The following IL1RAPL1 variants were observed in gnomAD, a reference collection of about 807,000 sequenced individuals.
The protein encoded by IL1RAPL1 is interleukin-1 receptor accessory protein-like 1.
A neutral mutation model predicts 48.4 loss-of-function variants in IL1RAPL1; 3 were observed. The ratio of observed to expected loss-of-function variants is 0.06; its 90% CI spans 0.03 to 0.16. The LOEUF (loss-of-function observed/expected upper bound fraction) is 0.16. Ranked by LOEUF, IL1RAPL1 falls within the 10% of genes least tolerant of loss-of-function variation. The pLI is 1.00. For synonymous variants in IL1RAPL1, 185 were observed against 187.7 expected, an observed-to-expected ratio of 0.99 and a Z score of 0.12; for missense variants, 349 against 530.6, an observed-to-expected ratio of 0.66 and a Z score of 3.36.
At chrX:29,368,353 ATGCT>A (rs1933494691) in intron 3 of IL1RAPL1, among the ~76,000 whole-genome samples, 1 of 111,973 alleles carries the variant, frequency 8.9e-6, no homozygotes, top group Non-Finnish European at 1.9e-5. Context: ...CTTTGATTCA[ATGCT>A]TGTGTGTATG....
At chrX:29,055,466 C>G (rs1387907110) in intron 2 of IL1RAPL1, among the ~76,000 whole-genome samples, 1 of 111,566 alleles carries the variant, frequency 9.0e-6, no homozygotes, top group Non-Finnish European at 1.9e-5. Context: ...TTATCAATGT[C>G]AAATGCACTA....
At chrX:29,419,803 T>G (rs1387699646) in intron 5 of IL1RAPL1, among the ~76,000 whole-genome samples, 1 of 111,885 alleles carries the variant, frequency 8.9e-6, no homozygotes, top group Non-Finnish European at 1.9e-5. Flanking sequence ...GTTTAAGATT[T>G]TTTTTATATG....
intron 3 of IL1RAPL1, among the ~76,000 whole-genome samples, chrX:29,285,617 A>G (rs1171128589): frequency 9.3e-6 from 1 of 107,080 alleles, no homozygotes; most frequent in Non-Finnish European, 1.9e-5. Context: ...AAATGATGAC[A>G]CTTGCCATAT....
At chrX:29,704,069 C>T (rs1046411845) in intron 6 of IL1RAPL1, among the ~76,000 whole-genome samples, 15 of 110,354 alleles carry the variant, frequency 1.4e-4, no homozygotes, top group African/African-American at 4.0e-4. Context: ...ACTACAGGCA[C>T]GCACTATAAT....
At chrX:29,597,742 A>G (rs181494887) in intron 5 of IL1RAPL1, among the ~76,000 whole-genome samples, 23 of 111,631 alleles carry the variant, frequency 2.1e-4, no homozygotes, top group African/African-American at 6.5e-4. Context: ...GAGTTTCTTT[A>G]TCTTTCTGGT....
At chrX:29,558,815 A>G (rs906534958) in intron 5 of IL1RAPL1, among the ~76,000 whole-genome samples, 1 of 111,328 alleles carries the variant, frequency 9.0e-6, no homozygotes, top group Non-Finnish European at 1.9e-5. Context: ...GTTTCTTAGC[A>G]TGCTTGTTGA....
intron 6 of IL1RAPL1, among the ~76,000 whole-genome samples, chrX:29,803,117 A>G (rs1930065197): frequency 1.1e-5 from 1 of 91,464 alleles, no homozygotes. Context: ...ATATGTATAT[A>G]TGTGTATACA....
intron 5 of IL1RAPL1, among the ~76,000 whole-genome samples, chrX:29,421,883 G>A (rs1934295206): frequency 8.9e-6 from 1 of 111,962 alleles, no homozygotes; most frequent in South Asian, 3.7e-4. Context: ...ATTCTTACTT[G>A]TATGTTTGGG....
At chrX:29,615,619 C>T (rs1004455381) in intron 5 of IL1RAPL1, among the ~76,000 whole-genome samples, 1 of 110,366 alleles carries the variant, frequency 9.1e-6, no homozygotes, top group Non-Finnish European at 1.9e-5. Context: ...ATTTGTCTCA[C>T]GGAGGTAACT....
Position 29,673,751 on chromosome X carries a change from A to G in IL1RAPL1, c.778+5247A>G, listed in dbSNP as rs1436305415. Among the ~76,000 whole-genome samples the G allele has an allele frequency of 2.7e-5, 3 of 111,908 alleles. No homozygotes were observed. In the East Asian group the frequency reaches 8.4e-4, roughly 31 times the overall value. On this transcript the variant is annotated intron_variant, in intron 6 of 10. Coordinates refer to ENST00000378993, the MANE Select transcript of IL1RAPL1 (RefSeq NM_014271.4). ...AAAGACTGGTATTATAATTATTTAA[A>G]CTATGGCATTCAATTCTACTCAATC...
intron 1 of IL1RAPL1, among the ~76,000 whole-genome samples, chrX:28,612,990 A>C (rs1012152139): frequency 8.9e-6 from 1 of 111,738 alleles, no homozygotes; most frequent in Admixed American, 9.5e-5. Flanking sequence ...ATTTCTGCCT[A>C]TCAGTTTGGA....
chrX:29,419,005 C>G (rs1934258025), intron 5 of IL1RAPL1, among the ~76,000 whole-genome samples: 1 of 111,824 alleles, frequency 8.9e-6, no homozygotes, highest in South Asian at 3.7e-4. Flanking sequence ...TTTATAAAAT[C>G]TAATTGTATA....
At chrX:28,969,503 G>T (rs1341553209) in intron 2 of IL1RAPL1, among the ~76,000 whole-genome samples, 1 of 108,290 alleles carries the variant, frequency 9.2e-6, no homozygotes, top group African/African-American at 3.4e-5. Flanking sequence ...TTTTTGCTCA[G>T]TTTTTAGAAG....
At chrX:29,205,794 G>C (rs1930653372) in intron 2 of IL1RAPL1, among the ~76,000 whole-genome samples, 1 of 109,733 alleles carries the variant, frequency 9.1e-6, no homozygotes, top group African/African-American at 3.3e-5. Flanking sequence ...GAGTGCAGTG[G>C]TGTGACGTCG....
chrX:29,423,046 T>C lies in IL1RAPL1; in HGVS notation c.703+23738T>C, dbSNP rs151155581. On this transcript the variant is annotated intron_variant, in intron 5 of 10. Coordinates refer to ENST00000378993, the MANE Select transcript of IL1RAPL1 (RefSeq NM_014271.4). Reference sequence around the variant, plus strand: ...GACTCTTTAAGCCTGATAAGAAACATTTACAACTGATTCCCTCTAAAGCCT... The same window carrying C: ...GACTCTTTAAGCCTGATAAGAAACACTTACAACTGATTCCCTCTAAAGCCT... 2.9e-3 allele frequency among the ~76,000 whole-genome samples: 323 copies of C among 111,666 alleles called. 1 individual carries two copies. The highest frequency in any genetic ancestry group is 9.9e-3 in the African/African-American group (305 of 30,763).
chrX:28,737,166 C>CTTTCT (rs1569161818), intron 1 of IL1RAPL1, among the ~76,000 whole-genome samples: 3 of 34,811 alleles, frequency 8.6e-5, no homozygotes, highest in African/African-American at 3.1e-4. Flanking sequence ...TCCTTCCTTC[C>CTTTCT]TTCCTTCCTT....
chrX:29,576,208 A>C (rs764483715), intron 5 of IL1RAPL1, among the ~76,000 whole-genome samples: 12 of 111,715 alleles, frequency 1.1e-4, no homozygotes, highest in Non-Finnish European at 2.1e-4. Flanking sequence ...TTAAATCAGG[A>C]TCTTTGAGGT....
At chrX:28,693,275 A>G (rs1223085565) in intron 1 of IL1RAPL1, among the ~76,000 whole-genome samples, 1 of 112,067 alleles carries the variant, frequency 8.9e-6, no homozygotes, top group African/African-American at 3.2e-5. Context: ...TGAGATTGCA[A>G]CATATCCAGC....
intron 2 of IL1RAPL1, among the ~76,000 whole-genome samples, chrX:28,804,031 G>T (rs973123773): frequency 9.0e-6 from 1 of 111,470 alleles, no homozygotes; most frequent in Non-Finnish European, 1.9e-5. Flanking sequence ...CCTGAAAATT[G>T]TTTATATAAT....
Sources: allele counts gnomAD v4.1 joint callset (sites outside exome capture counted in the v4.1 genomes callset), GRCh38; gene constraint gnomAD v4.1.1; transcripts MANE v1.5; gene names NCBI Gene and HGNC (gene_info 2026-07-23, HGNC 2026-07-21).